The following LPIN2 variants were observed in gnomAD, a reference collection of about 807,000 sequenced individuals.
LPIN2 encodes the protein lipin 2.
LPIN2 carries 55 observed loss-of-function variants against 111.4 expected under a neutral mutation model. That is an observed-to-expected ratio of 0.49 (90% CI 0.40 to 0.62). The LOEUF is 0.62. Among genes scored for constraint, LPIN2 ranks in the 20% least tolerant of loss-of-function variants. The pLI is 0.00. For missense variants in LPIN2, 992 were observed against 1,112.1 expected, an observed-to-expected ratio of 0.89 and a Z score of 1.54; for synonymous variants, 425 against 414.0, an observed-to-expected ratio of 1.03 and a Z score of -0.32.
At position 2,940,581 on chromosome 18, in the gene LPIN2, C is replaced by T. The variant is rs765341006; in HGVS notation, c.698+24G>A. 4.1e-6 allele frequency: 6 copies of T among 1,457,464 alleles called. No individual in the cohort carries two copies. In the Admixed American group the frequency reaches 6.7e-5, roughly 16 times the overall value. The allele number at this position is 1,457,464 out of a possible 1,614,324, so 90.3% of individuals were successfully genotyped here. On this transcript the variant is annotated intron_variant, in intron 5 of 19. Coordinates refer to ENST00000677752, the MANE Select transcript of LPIN2 (RefSeq NM_001375808.2). ...TACATCTCCTTCCTCTTTCAAGAAA[C>T]CAAGAAATTTCAAAGATACTTACGT... is the stretch of plus-strand genomic sequence containing the variant.
chr18:2,931,587 T>C (rs780515193), intron 8 of LPIN2, 144 bp from the exon 9 acceptor site: 14 of 762,810 alleles, frequency 1.8e-5, no homozygotes, highest in Non-Finnish European at 2.2e-5. Context: ...TAACTTTTCT[T>C]AGATAGGGTT....
chr18:2,925,660 A>G lies in LPIN2; in HGVS notation c.1794-292T>C, dbSNP rs2077120576. ...TCTACTGACTCTTGTTGAAGAGGGT[A>G]TGTATGTTTCACAAGGCACAAATCA... is the stretch of plus-strand genomic sequence containing the variant. On this transcript the variant is annotated intron_variant, in intron 13 of 19. Coordinates refer to ENST00000677752, the MANE Select transcript of LPIN2 (RefSeq NM_001375808.2). The surrounding 1 kb of genome is among the most constrained non-coding windows in gnomAD (Gnocchi z 4.1). 6.6e-6 allele frequency among the ~76,000 whole-genome samples: 1 copy of G among 152,232 alleles called. No homozygotes were observed. The highest frequency in any genetic ancestry group is 2.4e-5 in the African/African-American group (1 of 41,464).
chr18:2,998,518 T>C (rs1319374786), intron 1 of LPIN2, among the ~76,000 whole-genome samples: 1 of 151,946 alleles, frequency 6.6e-6, no homozygotes, highest in Non-Finnish European at 1.5e-5. Context: ...TATTCTAATG[T>C]GGGGAGGGAG....
Position 2,925,598 on chromosome 18 carries a change from CT to C in LPIN2, c.1794-231del, listed in dbSNP as rs1274880971. ...CAAGCACTTACTTTCTGACTATGACCTGCTATTTTCTGCTATGCCCAGTGAA... is the reference window on the plus strand; with the variant it reads ...CAAGCACTTACTTTCTGACTATGACCGCTATTTTCTGCTATGCCCAGTGAA... On this transcript the variant is annotated intron_variant, in intron 13 of 19. Coordinates refer to ENST00000677752, the MANE Select transcript of LPIN2 (RefSeq NM_001375808.2). This position sits in a 1 kb window ranked among gnomAD's most constrained non-coding sequence, Gnocchi z 4.1. 6.6e-6 allele frequency among the ~76,000 whole-genome samples: 1 copy of C among 152,188 alleles called. No individual in the cohort carries two copies. The highest frequency in any genetic ancestry group is 1.9e-4 in the East Asian group (1 of 5,204).
intron 4 of LPIN2, chr18:2,945,898 TTC>T: frequency 7.0e-7 from 1 of 1,424,382 alleles, no homozygotes; most frequent in South Asian, 1.1e-5. Context: ...GTCCACATGT[TTC>T]TCTTTTGTAC....
chr18:3,001,922 G>T (rs1041076730), intron 1 of LPIN2, among the ~76,000 whole-genome samples: 1 of 152,114 alleles, frequency 6.6e-6, no homozygotes, highest in Admixed American at 6.5e-5. Context: ...GCAAATATAA[G>T]CATTGTAAGG....
In LPIN2 at chr18:2,951,217, G is replaced by A. The variant is rs769973797; in HGVS notation, c.428C>T (p.Thr143Ile). ...QSSDISHVLE[T>I]ETIFTPSSVK... ...AGAACTTGGAGTAAAAATTGTCTCT[G>A]TTTCCAAGACGTGTGAGATGTCTGA... The change falls in exon 4 of 20, where the codon ACA becomes ATA. Residue 143 changes from threonine to isoleucine, a missense_variant. By Grantham distance (89) the Thr-to-Ile change is moderately conservative. Coordinates refer to ENST00000677752, the MANE Select transcript of LPIN2 (RefSeq NM_001375808.2). 6.2e-7 allele frequency: 1 copy of A among 1,614,016 alleles called. No homozygotes were observed. The highest frequency in any genetic ancestry group is 1.1e-5 in the South Asian group (1 of 91,076).
Position 2,920,342 on chromosome 18 carries a change from CAGA to C in LPIN2, c.2639_2641del (p.Phe880del), listed in dbSNP as rs755987482. 39 of 1,614,046 alleles carry C rather than the reference CAGA, an allele frequency of 2.4e-5. No homozygotes were observed. The highest frequency in any genetic ancestry group is 3.1e-5 in the Non-Finnish European group (37 of 1,180,042). On this transcript the variant is annotated inframe_deletion, in exon 20 of 20. Coordinates refer to ENST00000677752, the MANE Select transcript of LPIN2 (RefSeq NM_001375808.2). ...TTCAGGGATCGGGTCTCGCCAGTAG[CAGA>C]AGGAGCTGAACTCCGGGCAGGGAAA... is the stretch of plus-strand genomic sequence containing the variant.
At chr18:2,971,032 C>T (rs896997271) in intron 1 of LPIN2, among the ~76,000 whole-genome samples, 6 of 152,264 alleles carry the variant, frequency 3.9e-5, no homozygotes, top group African/African-American at 1.4e-4. Flanking sequence ...GCGGCCCAGA[C>T]CTTTACTCAA....
rs756895432 is a variant in LPIN2 at position 2,927,690 on chromosome 18, C to T, written c.1710+32G>A. 1.9e-6 allele frequency: 3 copies of T among 1,602,966 alleles called. No homozygotes were observed. The East Asian group carries it at 6.7e-5, about 36-fold the overall frequency. On this transcript the variant is annotated intron_variant, in intron 12 of 19. Transcript: ENST00000677752. ...TAAATGAAAGATTCATTTCTTTCAG[C>T]CCACGGAAACAATGACCTCTAGGTC...
In LPIN2 at chr18:2,920,084, G is replaced by A. The variant is rs1456160235; in HGVS notation, c.*209C>T. 1.6e-6 allele frequency: 1 copy of A among 638,884 alleles called. No individual in the cohort carries two copies. The highest frequency in any genetic ancestry group is 2.7e-6 in the Non-Finnish European group (1 of 366,250). The allele number at this position is 638,884 out of a possible 1,614,324, so 39.6% of individuals were successfully genotyped here. A position where few individuals can be genotyped will look rare whatever the true frequency, so the allele number is the denominator to read the frequency against. ...TCCCAGGCCTCCAGCCCCAGGCCCA[G>A]TTCCTCCCTTCTCCTTCCAGGAGCT... On this transcript the variant is annotated 3_prime_UTR_variant, in exon 20 of 20. Transcript: ENST00000677752.
At chr18:2,988,933 T>C (rs1393638936) in intron 1 of LPIN2, among the ~76,000 whole-genome samples, 1 of 152,236 alleles carries the variant, frequency 6.6e-6, no homozygotes, top group African/African-American at 2.4e-5. Flanking sequence ...TGCAACAAAT[T>C]AATTGTATTC....
At chr18:3,006,589 A>G (rs1266757532) in intron 1 of LPIN2, among the ~76,000 whole-genome samples, 7 of 152,004 alleles carry the variant, frequency 4.6e-5, no homozygotes, top group Admixed American at 1.3e-4. Flanking sequence ...TGTAATCCCA[A>G]CACTTTGGGA....
intron 2 of LPIN2, among the ~76,000 whole-genome samples, chr18:2,957,099 G>A (rs2077625957): frequency 1.3e-5 from 2 of 152,150 alleles, no homozygotes; most frequent in African/African-American, 4.8e-5. Context: ...TTACACTGTG[G>A]CTTAATTGTG....
rs1475319050 is a variant in LPIN2 at position 2,920,321 on chromosome 18, G to A, written c.2663C>T (p.Pro888Leu). ...AGACAGGTCATCCAGGTCCACTTCA[G>A]GGATCGGGTCTCGCCAGTAGCAGAA... ...SSFCYWRDPI[P>L]EVDLDDLS The change falls in exon 20 of 20, where the codon CCT becomes CTT. Residue 888 changes from proline to leucine, a missense_variant. Coordinates refer to ENST00000677752, the MANE Select transcript of LPIN2 (RefSeq NM_001375808.2). The A allele has an allele frequency of 6.2e-7, 1 of 1,614,174 alleles. No individual in the cohort carries two copies.
At chr18:3,001,863 C>T (rs680813) in intron 1 of LPIN2, among the ~76,000 whole-genome samples, 143,568 of 152,264 alleles carry the variant, frequency 0.94, 67,987 homozygotes, top group East Asian at 1. Flanking sequence ...ATAAGAATCA[C>T]ATTTACAGAA....
At chr18:2,965,709 G>A (rs1272517275) in intron 1 of LPIN2, among the ~76,000 whole-genome samples, 4 of 117,680 alleles carry the variant, frequency 3.4e-5, no homozygotes, top group Non-Finnish European at 6.5e-5. Context: ...CAGCCTGGGT[G>A]ACAGAGTGAG....
intron 1 of LPIN2, among the ~76,000 whole-genome samples, chr18:2,989,991 G>C (rs2143417535): frequency 6.6e-6 from 1 of 151,944 alleles, no homozygotes; most frequent in East Asian, 1.9e-4. Flanking sequence ...CAGACCAATG[G>C]AATAGACTTG....
At chr18:2,997,014 C>T (rs1172042612) in intron 1 of LPIN2, among the ~76,000 whole-genome samples, 1 of 149,546 alleles carries the variant, frequency 6.7e-6, no homozygotes, top group Non-Finnish European at 1.5e-5. Context: ...CAGAGTCTCA[C>T]TCCCTCACCC....
Sources: allele counts gnomAD v4.1 joint callset (sites outside exome capture counted in the v4.1 genomes callset), GRCh38; gene constraint gnomAD v4.1.1; non-coding constraint Gnocchi (gnomAD v3.1); transcripts MANE v1.5; gene names NCBI Gene and HGNC (gene_info 2026-07-23, HGNC 2026-07-21).